SMARCA5: variants seen among roughly 807,000 people sequenced by gnomAD.
SMARCA5 encodes the protein SNF2 related chromatin remodeling ATPase 5.
Under a neutral mutation model 140.4 loss-of-function variants are expected in SMARCA5, and 18 were observed. The observed-to-expected ratio is 0.13, with a 90% CI of 0.09 to 0.19. The LOEUF is 0.19. Ranked by LOEUF, SMARCA5 falls within the 10% of genes least tolerant of loss-of-function variation. The pLI is 1.00. For synonymous variants in SMARCA5, 449 were observed against 419.6 expected (o/e 1.07, Z -0.86); for missense variants, 606 against 1,276.8 (o/e 0.47, Z 8.01).
In SMARCA5 at chr4:143,557,056, A is replaced by C. The variant is rs1737773833; in HGVS notation, c.*3872A>C. ...GCAACATGGGTCTACATTCTTTGTT[A>C]CCACAGATTCCCTTGTGTCCGGAGA... On this transcript the variant is annotated 3_prime_UTR_variant, in exon 24 of 24. Transcript: ENST00000283131. 6.6e-6 allele frequency: 1 copy of C among 152,248 alleles called. No individual in the cohort carries two copies. The highest frequency in any genetic ancestry group is 3.2e-3 in the Middle Eastern group (1 of 316). 9.4% of individuals were successfully genotyped at this position (152,248 alleles called of 1,614,324 possible).
At chr4:143,537,955 GT>G (rs1359255138) in intron 11 of SMARCA5, among the ~76,000 whole-genome samples, 2 of 151,662 alleles carry the variant, frequency 1.3e-5, no homozygotes, top group Non-Finnish European at 2.9e-5. Context: ...TGCATTTGAG[GT>G]GCAGGAACGT....
At chr4:143,526,493 G>A in intron 6 of SMARCA5, 33 bp downstream of exon 6, 2 of 1,477,646 alleles carry the variant, frequency 1.4e-6, no homozygotes, top group Non-Finnish European at 1.9e-6. Context: ...CATTTTTGAG[G>A]CTAAAATAAT....
chr4:143,532,224 A>G (rs1737201728), intron 9 of SMARCA5, among the ~76,000 whole-genome samples: 1 of 152,220 alleles, frequency 6.6e-6, no homozygotes, highest in African/African-American at 2.4e-5. Flanking sequence ...TTCAATTCAG[A>G]TGGCATTCAT....
chr4:143,534,844 T>C lies in SMARCA5; in HGVS notation c.1159-11T>C. ...TATTGGTATTACCTGTTTATTTTTG[T>C]CCTTTTTAAGGTTTTGCGTCCATTC... On this transcript the variant is annotated splice_polypyrimidine_tract_variant and intron_variant, in intron 9 of 23. Transcript: ENST00000283131. 1 of 1,598,860 alleles carries C rather than the reference T, an allele frequency of 6.3e-7. No individual in the cohort carries two copies. Among genetic ancestry groups the C allele is most frequent in the Non-Finnish European group, 8.5e-7 (1 of 1,170,094 alleles).
In SMARCA5 at chr4:143,527,474, T is replaced by A. The variant is rs187386974; in HGVS notation, c.802-394T>A. On this transcript the variant is annotated intron_variant, in intron 6 of 23. Transcript: ENST00000283131. ...TATTAGGAATGTGTTAATACATTTA[T>A]AAACCTGAAAGGAATGCAGATGCCT... Among the ~76,000 whole-genome samples the A allele has an allele frequency of 5.9e-5, 9 of 152,338 alleles. No homozygotes were observed. In the East Asian group the frequency reaches 1.7e-3, roughly 29 times the overall value.
chr4:143,516,916 A>G (rs529648402), intron 1 of SMARCA5, among the ~76,000 whole-genome samples: 2 of 152,322 alleles, frequency 1.3e-5, no homozygotes, highest in Admixed American at 1.3e-4. Context: ...CAGAAGGTGG[A>G]AATCAGGGTG....
rs1020946445 is a variant in SMARCA5, at chr4:143,540,346, C to T, written c.1771-17C>T. ...GACTTTTAAACTAAATTCAAAATAACATGGTAATTTATTTAGGACCGAGCA... is the reference window on the plus strand; with the variant it reads ...GACTTTTAAACTAAATTCAAAATAATATGGTAATTTATTTAGGACCGAGCA... On this transcript the variant is annotated splice_polypyrimidine_tract_variant and intron_variant, in intron 13 of 23. Transcript: ENST00000283131. 9.0e-6 allele frequency: 14 copies of T among 1,560,684 alleles called. No homozygotes were observed. Among genetic ancestry groups the T allele is most frequent in the Non-Finnish European group, 1.1e-5 (13 of 1,156,000 alleles).
intron 9 of SMARCA5, among the ~76,000 whole-genome samples, chr4:143,532,878 T>C (rs1396982134): frequency 6.6e-6 from 1 of 152,134 alleles, no homozygotes; most frequent in African/African-American, 2.4e-5. Flanking sequence ...AGAGAACCGG[T>C]GGGGCTAAAG....
chr4:143,540,254 A>T (rs1737402297), intron 13 of SMARCA5, 109 bp from the exon 14 acceptor site: 2 of 830,616 alleles, frequency 2.4e-6, no homozygotes, highest in Non-Finnish European at 3.5e-6. Flanking sequence ...ACAAATTTTT[A>T]AAAGTTTTAT....
chr4:143,555,391 A>G lies in SMARCA5; in HGVS notation c.*2207A>G. 1 of 682,984 alleles carries G rather than the reference A, an allele frequency of 1.5e-6. No individual in the cohort carries two copies. The highest frequency in any genetic ancestry group is 2.7e-5 in the East Asian group (1 of 36,396). 42.3% of individuals were successfully genotyped at this position (682,984 alleles called of 1,614,324 possible). A position where few individuals can be genotyped will look rare whatever the true frequency, so the allele number is the denominator to read the frequency against. On this transcript the variant is annotated 3_prime_UTR_variant, in exon 24 of 24. Coordinates refer to ENST00000283131, the MANE Select transcript of SMARCA5 (RefSeq NM_003601.4). ...CATCACCACCACCATGGCTGCCACCAAAGCCACCACGATCACAGAACTTGA... is the reference window on the plus strand; with the variant it reads ...CATCACCACCACCATGGCTGCCACCGAAGCCACCACGATCACAGAACTTGA...
At chr4:143,528,534 A>G in intron 7 of SMARCA5, 49 bp from the exon 8 acceptor site, 1 of 1,551,634 alleles carries the variant, frequency 6.4e-7, no homozygotes, top group Non-Finnish European at 8.8e-7. Flanking sequence ...GTTGTAGATA[A>G]TGCAATATGC....
chr4:143,539,845 A>G (rs1737393754), intron 13 of SMARCA5, among the ~76,000 whole-genome samples: 1 of 152,110 alleles, frequency 6.6e-6, no homozygotes, highest in African/African-American at 2.4e-5. Context: ...CCCATTAGTC[A>G]CTTTCATCTT....
intron 11 of SMARCA5, among the ~76,000 whole-genome samples, chr4:143,537,524 T>G (rs34134627): frequency 0.2 from 30,649 of 152,118 alleles, 3,145 homozygotes; most frequent in South Asian, 0.29. Flanking sequence ...AAAAAATGCT[T>G]TCCTTGAAAG....
At chr4:143,539,358 G>T (rs1647067436) in intron 13 of SMARCA5, among the ~76,000 whole-genome samples, 1 of 152,084 alleles carries the variant, frequency 6.6e-6, no homozygotes, top group South Asian at 2.1e-4. Flanking sequence ...AAGAGAATTG[G>T]GTTTGATGAG....
At chr4:143,552,354 C>A (rs545614329) in intron 23 of SMARCA5, among the ~76,000 whole-genome samples, 34 of 152,110 alleles carry the variant, frequency 2.2e-4, no homozygotes, top group Non-Finnish European at 4.6e-4. Flanking sequence ...AATTTGACTT[C>A]TTTGTTTCCG....
intron 3 of SMARCA5, 87 bp from the exon 4 acceptor site, chr4:143,524,280 G>T: frequency 2.5e-6 from 2 of 806,648 alleles, no homozygotes; most frequent in Non-Finnish European, 3.9e-6. Context: ...GTGGAATCTT[G>T]GTCAGCCACT....
chr4:143,536,235 A>G (rs1373811414), intron 10 of SMARCA5, among the ~76,000 whole-genome samples: 1 of 152,182 alleles, frequency 6.6e-6, no homozygotes, highest in Non-Finnish European at 1.5e-5. Flanking sequence ...TCAAGGCCCA[A>G]GGCGTAAGTA....
chr4:143,556,842 A>G lies in SMARCA5; in HGVS notation c.*3658A>G, dbSNP rs1737769665. 1 of 152,250 alleles carries G rather than the reference A, an allele frequency of 6.6e-6. No individual in the cohort carries two copies. The highest frequency in any genetic ancestry group is 1.5e-5 in the Non-Finnish European group (1 of 68,034). The allele number at this position is 152,250 out of a possible 1,614,324, so 9.4% of individuals were successfully genotyped here. ...GAATGATTAAATAGGCTTTTGCAGC[A>G]TTAACTTTACAGTAGTTACCAGAAA... On this transcript the variant is annotated 3_prime_UTR_variant, in exon 24 of 24. Transcript: ENST00000283131.
chr4:143,551,537 T>A (rs1737640133), intron 23 of SMARCA5, among the ~76,000 whole-genome samples: 1 of 152,132 alleles, frequency 6.6e-6, no homozygotes, highest in South Asian at 2.1e-4. Context: ...GTTTGAGGAC[T>A]TAAAGTCTTT....
Sources: allele counts gnomAD v4.1 joint callset (sites outside exome capture counted in the v4.1 genomes callset), GRCh38; gene constraint gnomAD v4.1.1; transcripts MANE v1.5; gene names NCBI Gene and HGNC (gene_info 2026-07-23, HGNC 2026-07-21).